KLHL1: variants seen among roughly 807,000 people sequenced by gnomAD.
KLHL1 encodes the protein kelch like family member 1.
In KLHL1, 47 loss-of-function variants were observed where a neutral mutation model predicts 77.7. The observed-to-expected ratio is 0.60, with a 90% CI of 0.48 to 0.77. The LOEUF (loss-of-function observed/expected upper bound fraction) is 0.77, where lower values mean the gene tolerates loss of function less well. Among genes scored for constraint, KLHL1 ranks in the 30% least tolerant of loss-of-function variants. KLHL1 has a pLI of 0.00. For synonymous variants in KLHL1, 360 were observed against 325.2 expected, an observed-to-expected ratio of 1.11 and a Z score of -1.15; for missense variants, 925 against 910.8, an observed-to-expected ratio of 1.02 and a Z score of -0.20.
At chr13:70,068,292 G>C (rs1188989575) in intron 1 of KLHL1, among the ~76,000 whole-genome samples, 1 of 151,968 alleles carries the variant, frequency 6.6e-6, no homozygotes, top group African/African-American at 2.4e-5. Context: ...AGTGAGCCGA[G>C]ATCGCGCCAC....
intron 5 of KLHL1, among the ~76,000 whole-genome samples, chr13:69,852,552 G>C (rs557074289): frequency 1.3e-5 from 2 of 152,052 alleles, no homozygotes; most frequent in South Asian, 4.2e-4. Flanking sequence ...CTAATTAGAA[G>C]GTATCAGTCA....
chr13:70,082,948 G>A (rs943748533), intron 1 of KLHL1, among the ~76,000 whole-genome samples: 5 of 152,142 alleles, frequency 3.3e-5, no homozygotes, highest in African/African-American at 1.2e-4. Flanking sequence ...ATAAATGTGG[G>A]AACAATAGAC....
intron 3 of KLHL1, among the ~76,000 whole-genome samples, chr13:69,950,679 T>C (rs1280067829): frequency 6.6e-6 from 1 of 151,726 alleles, no homozygotes; most frequent in Admixed American, 6.6e-5. Context: ...GTTCTTTTGG[T>C]CATTATTTTA....
chr13:69,888,319 C>A (rs903844197), intron 4 of KLHL1, among the ~76,000 whole-genome samples: 1 of 152,150 alleles, frequency 6.6e-6, no homozygotes, highest in Non-Finnish European at 1.5e-5. Context: ...ATAGCAGCAT[C>A]TCTTCCAAAT....
chr13:69,948,294 ATG>A lies in KLHL1; in HGVS notation c.818-8060_818-8059del, dbSNP rs894354936. Among the ~76,000 whole-genome samples, 5 of 152,042 alleles carry A rather than the reference ATG, an allele frequency of 3.3e-5. No homozygotes were observed. In the East Asian group the frequency reaches 5.8e-4, roughly 18 times the overall value. ...GTAGCAGAAGAGTAACTATTTCTTT[ATG>A]TATATATCTCTTACATCAGTGAAGA... On this transcript the variant is annotated intron_variant, in intron 3 of 10. Transcript: ENST00000377844.
At chr13:69,951,112 A>G (rs1038817555) in intron 3 of KLHL1, among the ~76,000 whole-genome samples, 13 of 151,640 alleles carry the variant, frequency 8.6e-5, no homozygotes, top group Non-Finnish European at 1.8e-4. Context: ...GACTGAGAAG[A>G]AAAACTAATT....
chr13:69,898,688 G>A (rs1485644860), intron 4 of KLHL1, among the ~76,000 whole-genome samples: 1 of 152,062 alleles, frequency 6.6e-6, no homozygotes, highest in African/African-American at 2.4e-5. Flanking sequence ...CTGACATTAG[G>A]GATATCTTAG....
chr13:69,761,152 T>C (rs1267963871), intron 7 of KLHL1, among the ~76,000 whole-genome samples: 1 of 152,134 alleles, frequency 6.6e-6, no homozygotes, highest in Non-Finnish European at 1.5e-5. Context: ...CAGAGAACAA[T>C]ATAAGAATCT....
chr13:69,769,167 T>G (rs1266935833), intron 7 of KLHL1, among the ~76,000 whole-genome samples: 1 of 152,192 alleles, frequency 6.6e-6, no homozygotes, highest in African/African-American at 2.4e-5. Flanking sequence ...CAAGGAAGAC[T>G]TTAGCAAGGA....
At chr13:69,991,038 G>A (rs1036177415) in intron 1 of KLHL1, among the ~76,000 whole-genome samples, 4 of 151,820 alleles carry the variant, frequency 2.6e-5, no homozygotes, top group Admixed American at 1.3e-4. Flanking sequence ...ATTAAACAAC[G>A]TGCTTCTGAA....
chr13:69,972,828 T>C (rs2137287736), intron 2 of KLHL1, among the ~76,000 whole-genome samples: 1 of 151,968 alleles, frequency 6.6e-6, no homozygotes, highest in African/African-American at 2.4e-5. Flanking sequence ...ACCTCCTAAT[T>C]TTCTTACAAT....
At chr13:69,724,366 T>C (rs543699544) in intron 8 of KLHL1, among the ~76,000 whole-genome samples, 1 of 152,190 alleles carries the variant, frequency 6.6e-6, no homozygotes, top group East Asian at 1.9e-4. Flanking sequence ...AATATAAACT[T>C]TCTAAATTGA....
At chr13:69,815,726 TA>T in intron 6 of KLHL1, among the ~76,000 whole-genome samples, 1 of 152,174 alleles carries the variant, frequency 6.6e-6, no homozygotes, top group Admixed American at 6.5e-5. Flanking sequence ...AAAAAAGCCG[TA>T]AATGAACTGG....
intron 7 of KLHL1, among the ~76,000 whole-genome samples, chr13:69,793,257 T>A (rs1476515551): frequency 6.6e-6 from 1 of 152,076 alleles, no homozygotes; most frequent in Non-Finnish European, 1.5e-5. Context: ...TAGAATTATA[T>A]GCTTAAAGAC....
intron 10 of KLHL1, among the ~76,000 whole-genome samples, chr13:69,702,227 G>T (rs1328645935): frequency 2.0e-5 from 3 of 151,554 alleles, no homozygotes; most frequent in Non-Finnish European, 4.4e-5. Flanking sequence ...GACATACAAT[G>T]AAATAAATTC....
At chr13:70,000,441 G>A (rs1885259596) in intron 1 of KLHL1, among the ~76,000 whole-genome samples, 1 of 151,938 alleles carries the variant, frequency 6.6e-6, no homozygotes, top group East Asian at 1.9e-4. Flanking sequence ...AAGAAAAAAA[G>A]CGTATATACA....
intron 10 of KLHL1, among the ~76,000 whole-genome samples, chr13:69,706,597 GT>G (rs1278818457): frequency 1.3e-5 from 2 of 151,880 alleles, no homozygotes; most frequent in Non-Finnish European, 2.9e-5. Context: ...AGGAGATGTG[GT>G]TATTATTCTG....
intron 1 of KLHL1, among the ~76,000 whole-genome samples, chr13:70,053,558 AAAG>A (rs1886677938): frequency 6.6e-6 from 1 of 152,154 alleles, no homozygotes; most frequent in South Asian, 2.1e-4. Flanking sequence ...ACAATTGATC[AAAG>A]AAGAATTTTT....
intron 1 of KLHL1, among the ~76,000 whole-genome samples, chr13:70,028,897 A>C (rs2137362832): frequency 6.6e-6 from 1 of 151,922 alleles, no homozygotes; most frequent in Non-Finnish European, 1.5e-5. Flanking sequence ...GGATCGCTTG[A>C]ACCTGGGAAG....
Sources: gnomAD v4.1 joint callset for allele counts (sites outside exome capture counted in the v4.1 genomes callset) on GRCh38, gnomAD v4.1.1 for gene constraint, MANE v1.5 for transcripts, NCBI Gene and HGNC (gene_info 2026-07-23, HGNC 2026-07-21) for gene names.